The following RIPOR3 variants were observed in gnomAD, a reference collection of about 807,000 sequenced individuals.
The protein encoded by RIPOR3 is family with sequence similarity 65 member C.
A neutral mutation model predicts 114.3 loss-of-function variants in RIPOR3; 95 were observed. The ratio of observed to expected loss-of-function variants is 0.83; its 90% CI spans 0.70 to 0.99. The LOEUF (loss-of-function observed/expected upper bound fraction) is 0.99. Among genes scored for constraint, RIPOR3 ranks in the 50% least tolerant of loss-of-function variants. RIPOR3 has a pLI of 0.00. For missense variants in RIPOR3, 1,252 were observed against 1,266.9 expected (o/e 0.99, Z 0.18); for synonymous variants, 575 against 543.8 (o/e 1.06, Z -0.80).
At chr20:50,687,810 G>A (rs529663454) in intron 1 of RIPOR3, among the ~76,000 whole-genome samples, 33 of 151,896 alleles carry the variant, frequency 2.2e-4, no homozygotes, top group Admixed American at 2.2e-3. Context: ...AGGTGAGACA[G>A]GAGAATTGCT....
In RIPOR3 at chr20:50,602,740, GC is replaced by G; in HGVS notation, c.1087-97del. On this transcript the variant is annotated intron_variant, in intron 12 of 21. Coordinates refer to ENST00000327979, the MANE Select transcript of RIPOR3 (RefSeq NM_001290268.2). This position sits in a 1 kb window ranked among gnomAD's most constrained non-coding sequence, Gnocchi z 4.3. ...CCCCTGACAGACACCCGCTGTGCAT[GC>G]CCATGTTCTCAGGATGACTGAGGCC... is the stretch of plus-strand genomic sequence containing the variant. 2.1e-6 allele frequency: 2 copies of G among 946,930 alleles called. No individual in the cohort carries two copies. The highest frequency in any genetic ancestry group is 2.9e-6 in the Non-Finnish European group (2 of 696,414). 58.7% of individuals were successfully genotyped at this position (946,930 alleles called of 1,614,324 possible).
chr20:50,594,118 A>G (rs1359744135), intron 17 of RIPOR3, among the ~76,000 whole-genome samples: 1 of 152,006 alleles, frequency 6.6e-6, no homozygotes, highest in Non-Finnish European at 1.5e-5. Context: ...AAAATACAAA[A>G]AAAGAAAATT....
chr20:50,629,300 G>A (rs544884617), intron 2 of RIPOR3, among the ~76,000 whole-genome samples: 1 of 152,280 alleles, frequency 6.6e-6, no homozygotes, highest in African/African-American at 2.4e-5. Context: ...CTCTGGCTGG[G>A]GACCCCGACC....
chr20:50,653,513 G>T (rs936352193), intron 1 of RIPOR3, among the ~76,000 whole-genome samples: 1 of 150,606 alleles, frequency 6.6e-6, no homozygotes, highest in Non-Finnish European at 1.5e-5. Flanking sequence ...TTGGCTCACT[G>T]CAACCTCTGC....
Position 50,630,733 on chromosome 20 carries a change from C to T in RIPOR3, c.122+5G>A, listed in dbSNP as rs757247670. On this transcript the variant is annotated splice_donor_5th_base_variant and intron_variant, in intron 2 of 21. Coordinates refer to ENST00000327979, the MANE Select transcript of RIPOR3 (RefSeq NM_001290268.2). ...ACCCCGAAACAGGACACGGGGGGAACTTACGCGATCCTCCGGCTCTGTGCA... is the reference window on the plus strand; with the variant it reads ...ACCCCGAAACAGGACACGGGGGGAATTTACGCGATCCTCCGGCTCTGTGCA... 9.4e-6 allele frequency: 15 copies of T among 1,601,976 alleles called. No individual in the cohort carries two copies. The Middle Eastern group carries it at 6.6e-4, about 70-fold the overall frequency.
chr20:50,637,811 G>T (rs1006415679), intron 1 of RIPOR3, among the ~76,000 whole-genome samples: 1 of 152,092 alleles, frequency 6.6e-6, no homozygotes, highest in African/African-American at 2.4e-5. Context: ...GGAAGCGGAG[G>T]TTGCAGTTAG....
At chr20:50,681,173 C>T (rs2086843410) in intron 1 of RIPOR3, among the ~76,000 whole-genome samples, 1 of 131,642 alleles carries the variant, frequency 7.6e-6, no homozygotes, top group Non-Finnish European at 1.5e-5. Context: ...TGCAGTGAGC[C>T]AAGATTGCAC....
chr20:50,671,428 G>GCACACACACA (rs1160861232), intron 1 of RIPOR3, among the ~76,000 whole-genome samples: 122 of 38,158 alleles, frequency 3.2e-3, no homozygotes, highest in African/African-American at 7.6e-3. Flanking sequence ...ACGCGCGCGC[G>GCACACACACA]CACACACACA....
intron 1 of RIPOR3, among the ~76,000 whole-genome samples, chr20:50,639,709 A>G (rs1042100460): frequency 6.6e-6 from 1 of 152,234 alleles, no homozygotes; most frequent in Admixed American, 6.5e-5. Context: ...ATAAATAAAT[A>G]CAATACAGGT....
intron 4 of RIPOR3, among the ~76,000 whole-genome samples, chr20:50,612,386 A>T (rs768283582): frequency 6.6e-5 from 10 of 152,070 alleles, no homozygotes; most frequent in Non-Finnish European, 1.2e-4. Flanking sequence ...ACAAGTGTTT[A>T]AAAAAACTCT....
At chr20:50,612,682 T>A (rs1330766195) in intron 4 of RIPOR3, among the ~76,000 whole-genome samples, 1 of 152,150 alleles carries the variant, frequency 6.6e-6, no homozygotes, top group East Asian at 1.9e-4. Flanking sequence ...TTAAACGGGA[T>A]GGGACACGGA....
At chr20:50,660,919 C>G (rs907843947) in intron 1 of RIPOR3, among the ~76,000 whole-genome samples, 7 of 151,412 alleles carry the variant, frequency 4.6e-5, no homozygotes, top group African/African-American at 1.7e-4. Context: ...ACAGGAACCA[C>G]CACACCTGGC....
intron 1 of RIPOR3, among the ~76,000 whole-genome samples, chr20:50,683,159 T>C (rs1220246422): frequency 6.6e-6 from 1 of 152,236 alleles, no homozygotes; most frequent in Non-Finnish European, 1.5e-5. Flanking sequence ...GCTAAAGTGA[T>C]AAATTCTATC....
chr20:50,594,452 A>G (rs1368509614), intron 17 of RIPOR3, 101 bp downstream of exon 17: 7 of 1,364,248 alleles, frequency 5.1e-6, no homozygotes, highest in Non-Finnish European at 6.1e-6. Flanking sequence ...ACAGAGGTGA[A>G]GACAGGGCTG....
At position 50,602,350 on chromosome 20, in the gene RIPOR3, G is replaced by A; in HGVS notation, c.1381C>T (p.His461Tyr). 1.2e-6 allele frequency: 2 copies of A among 1,613,796 alleles called. No homozygotes were observed. Among genetic ancestry groups the A allele is most frequent in the Non-Finnish European group, 1.7e-6 (2 of 1,179,974 alleles). Residue 461 changes from histidine (H) to tyrosine (Y), a missense_variant, in exon 13 of 22, where the codon CAC (histidine) becomes TAC (tyrosine). His to Tyr is a moderately conservative substitution (Grantham distance 83). Coordinates refer to ENST00000327979, the MANE Select transcript of RIPOR3 (RefSeq NM_001290268.2). The surrounding 1 kb of genome is among the most constrained non-coding windows in gnomAD (Gnocchi z 4.3). ...LPPGLLPEMA[H>Y]LSGGPFAEQP... ...TCTGCAAACGGGCCTCCAGAGAGGT[G>A]GGCCATCTCTGGCAGGAGACCTGGG...
intron 19 of RIPOR3, among the ~76,000 whole-genome samples, chr20:50,590,251 A>T (rs1235830541): frequency 6.6e-6 from 1 of 152,194 alleles, no homozygotes; most frequent in Non-Finnish European, 1.5e-5. Flanking sequence ...GACCATGGCC[A>T]CATCAGTTCA....
intron 1 of RIPOR3, among the ~76,000 whole-genome samples, chr20:50,660,671 C>T (rs1262878489): frequency 6.6e-6 from 1 of 151,914 alleles, no homozygotes; most frequent in Non-Finnish European, 1.5e-5. Flanking sequence ...CAAATCACAG[C>T]ACTACCCCCG....
rs2083638945 is a variant in RIPOR3 at position 50,604,703 on chromosome 20, C to G, written c.1028G>C (p.Gly343Ala). ...TGKFSMGSRK[G>A]SLYNWTPPST... Reference sequence around the variant, plus strand: ...CGGGGGTGTCCAGTTGTACAAGGAGCCCTTCCTGCTGCCCATAGAAAACTT... The same window carrying G: ...CGGGGGTGTCCAGTTGTACAAGGAGGCCTTCCTGCTGCCCATAGAAAACTT... Residue 343 changes from glycine to alanine, a missense_variant, in exon 12 of 22, where the codon GGC becomes GCC. Coordinates refer to ENST00000327979, the MANE Select transcript of RIPOR3 (RefSeq NM_001290268.2). The G allele has an allele frequency of 1.9e-6, 3 of 1,608,932 alleles. No homozygotes were observed. Among genetic ancestry groups the G allele is most frequent in the Non-Finnish European group, 2.5e-6 (3 of 1,178,220 alleles).
chr20:50,641,880 C>A (rs1223210813), intron 1 of RIPOR3, among the ~76,000 whole-genome samples: 2 of 152,156 alleles, frequency 1.3e-5, no homozygotes, highest in Admixed American at 1.3e-4. Flanking sequence ...TTAACCCTCC[C>A]AATGCAGGGC....
Sources: allele counts gnomAD v4.1 joint callset (sites outside exome capture counted in the v4.1 genomes callset), GRCh38; gene constraint gnomAD v4.1.1; non-coding constraint Gnocchi (gnomAD v3.1); transcripts MANE v1.5; gene names NCBI Gene and HGNC (gene_info 2026-07-23, HGNC 2026-07-21).